The following MCF2L variants were observed in gnomAD, a reference collection of about 807,000 sequenced individuals.
The protein encoded by MCF2L is MCF.2 cell line derived transforming sequence like.
MCF2L carries 97 observed loss-of-function variants against 153.4 expected under a neutral mutation model. The ratio of observed to expected loss-of-function variants is 0.63; its 90% CI spans 0.54 to 0.75. MCF2L has a LOEUF of 0.75. Ranked by LOEUF, MCF2L falls within the 30% of genes least tolerant of loss-of-function variation. The pLI is 0.00. For synonymous variants in MCF2L, 659 were observed against 632.2 expected (o/e 1.04, Z -0.64); for missense variants, 1,347 against 1,495.2 (o/e 0.90, Z 1.64).
At chr13:113,033,635 C>T (rs1301622832) in intron 3 of MCF2L, among the ~76,000 whole-genome samples, 1 of 151,796 alleles carries the variant, frequency 6.6e-6, no homozygotes, top group Non-Finnish European at 1.5e-5. Context: ...GGGTGATTTC[C>T]CCCCCCCACC....
At chr13:113,081,403 C>T in intron 16 of MCF2L, 124 bp downstream of exon 16, 2 of 956,134 alleles carry the variant, frequency 2.1e-6, no homozygotes, top group Non-Finnish European at 1.5e-6. Context: ...GAGAGAGCGC[C>T]CACAGCAGCC....
At chr13:112,949,954 C>G (rs1283131038) in intron 2 of MCF2L, among the ~76,000 whole-genome samples, 3 of 150,110 alleles carry the variant, frequency 2.0e-5, no homozygotes, top group Non-Finnish European at 4.4e-5. Context: ...TTGAAACAGT[C>G]TCTGGTTACA....
At chr13:112,912,883 T>TTG (rs1156373995) in intron 2 of MCF2L, among the ~76,000 whole-genome samples, 2 of 142,186 alleles carry the variant, frequency 1.4e-5, no homozygotes, top group East Asian at 2.1e-4. Flanking sequence ...CTGTGTGTGA[T>TTG]TGTGTGTGTG....
chr13:112,895,339 G>C (rs1224217706), intron 1 of MCF2L, among the ~76,000 whole-genome samples: 1 of 152,166 alleles, frequency 6.6e-6, no homozygotes, highest in Non-Finnish European at 1.5e-5. Flanking sequence ...AGGATGTGCC[G>C]GCATGGCTGT....
chr13:113,078,946 C>T lies in MCF2L; in HGVS notation c.1808+207C>T, dbSNP rs528637283. 7.9e-5 allele frequency among the ~76,000 whole-genome samples: 12 copies of T among 152,368 alleles called. No homozygotes were observed. In the East Asian group the frequency reaches 1.2e-3, roughly 15 times the overall value. ...GTCCCCACCGCGTGAAGCACACACA[C>T]GCCGCACACACACCACTCGGGATTC... On this transcript the variant is annotated intron_variant, in intron 15 of 29. Transcript: ENST00000535094.
Position 112,943,751 on chromosome 13 carries a change from C to G in MCF2L, c.169+41380C>G, listed in dbSNP as rs1324671762. ...CAGCCTGCGGTGGCTCGGCTCGGGC[C>G]GGCGGAGATCTGGGAGCATTTTCTG... On this transcript the variant is annotated intron_variant, in intron 2 of 29. Coordinates refer to the MCF2L transcript ENST00000375608. The surrounding 1 kb of genome is among the most constrained non-coding windows in gnomAD (Gnocchi z 4.2). Among the ~76,000 whole-genome samples, 1 of 152,028 alleles carries G rather than the reference C, an allele frequency of 6.6e-6. No homozygotes were observed. The highest frequency in any genetic ancestry group is 6.5e-5 in the Admixed American group (1 of 15,282).
chr13:112,972,421 G>A (rs1490578555), intron 1 of MCF2L, among the ~76,000 whole-genome samples: 4 of 149,916 alleles, frequency 2.7e-5, no homozygotes, highest in Admixed American at 2.7e-4. Context: ...TGGATAAGTG[G>A]GTGGATGGAT....
chr13:113,083,536 C>A (rs193049568), intron 17 of MCF2L, among the ~76,000 whole-genome samples: 1 of 152,218 alleles, frequency 6.6e-6, no homozygotes, highest in Non-Finnish European at 1.5e-5. Context: ...AGACGGTTTT[C>A]CCCTCCAGCC....
chr13:113,086,310 C>T lies in MCF2L; in HGVS notation c.2373+61C>T. The T allele has an allele frequency of 1.2e-5, 19 of 1,590,364 alleles. No homozygotes were observed. The South Asian group carries it at 2.0e-4, about 17-fold the overall frequency. On this transcript the variant is annotated intron_variant, in intron 21 of 29. Transcript: ENST00000535094. Reference sequence around the variant, plus strand: ...TCCGTGGAATACACCAGCCCAGCAACTTGGCGGCCTCCCTGCACACGCCCC... The same window carrying T: ...TCCGTGGAATACACCAGCCCAGCAATTTGGCGGCCTCCCTGCACACGCCCC...
chr13:113,057,152 G>A (rs1450372832), intron 4 of MCF2L, among the ~76,000 whole-genome samples: 1 of 150,030 alleles, frequency 6.7e-6, no homozygotes, highest in Non-Finnish European at 1.5e-5. Context: ...GGTGCTGAGT[G>A]GGTGCTGAAT....
chr13:112,957,092 C>G (rs537797661), intron 2 of MCF2L: 1 of 152,176 alleles, frequency 6.6e-6, no homozygotes, highest in Non-Finnish European at 1.5e-5. Flanking sequence ...AGGCCGCCCC[C>G]GAGAGCAAAG....
In MCF2L at chr13:113,046,264, G is replaced by T. The variant is rs956309750; in HGVS notation, c.369+903G>T. ...CATTGCTGCCAAAGGACCAAAAAAG[G>T]CTGCCTGTCTGCCAAGAGGTGACCC... On this transcript the variant is annotated intron_variant, in intron 4 of 29. Coordinates refer to ENST00000535094, the MANE Select transcript of MCF2L (RefSeq NM_001112732.3). This position sits in a 1 kb window ranked among gnomAD's most constrained non-coding sequence, Gnocchi z 4.4. 5.9e-5 allele frequency: 13 copies of T among 221,494 alleles called. No individual in the cohort carries two copies. The highest frequency in any genetic ancestry group is 2.3e-4 in the African/African-American group (10 of 42,738). 13.7% of individuals were successfully genotyped at this position (221,494 alleles called of 1,614,324 possible). A position where few individuals can be genotyped will look rare whatever the true frequency, so the allele number is the denominator to read the frequency against.
chr13:113,022,780 C>A (rs974454474), intron 2 of MCF2L, among the ~76,000 whole-genome samples: 1 of 152,208 alleles, frequency 6.6e-6, no homozygotes, highest in African/African-American at 2.4e-5. Context: ...ACCGCGGCGG[C>A]GGCTGAGGGG....
intron 2 of MCF2L, among the ~76,000 whole-genome samples, chr13:112,949,591 C>G (rs4907474): frequency 0.052 from 7,912 of 152,040 alleles, 272 homozygotes; most frequent in South Asian, 0.074. Context: ...AATTAGTCAA[C>G]GTAATCTACC....
rs1594904492 is a variant in MCF2L, at chr13:113,065,051, T to C, written c.722T>C (p.Leu241Pro). The change falls in exon 7 of 30, where the codon CTG becomes CCG. Residue 241 changes from leucine (L) to proline (P), a missense_variant. Physicochemically the swap from Leu to Pro is moderately conservative, Grantham distance 98. Transcript: ENST00000535094. ...PNDVQSTSSV[L>P]CAHTEKKDKA... ...GACGTCCAGTCGACAAGCTCAGTGC[T>C]GTGTGCGCACACAGAGAAGAAGGAC... 6.2e-7 allele frequency: 1 copy of C among 1,607,922 alleles called. No individual in the cohort carries two copies. The highest frequency in any genetic ancestry group is 2.2e-5 in the East Asian group (1 of 44,596).
chr13:112,902,728 T>C (rs1038946827), intron 2 of MCF2L, among the ~76,000 whole-genome samples: 6 of 152,268 alleles, frequency 3.9e-5, no homozygotes, highest in African/African-American at 9.6e-5. Flanking sequence ...ATTTGTAGGC[T>C]TTGCTTCATT....
chr13:113,026,663 C>T (rs1274624796), intron 3 of MCF2L, among the ~76,000 whole-genome samples: 6 of 152,366 alleles, frequency 3.9e-5, no homozygotes, highest in East Asian at 1.9e-4. Flanking sequence ...GAGCAGAGCC[C>T]GTCCACGTGG....
At chr13:112,949,590 A>G (rs1467706837) in intron 2 of MCF2L, among the ~76,000 whole-genome samples, 4 of 152,198 alleles carry the variant, frequency 2.6e-5, no homozygotes, top group African/African-American at 9.7e-5. Flanking sequence ...AAATTAGTCA[A>G]CGTAATCTAC....
chr13:113,023,561 G>C lies in MCF2L; in HGVS notation c.164-1083G>C, dbSNP rs143200489. On this transcript the variant is annotated intron_variant, in intron 2 of 29. Coordinates refer to ENST00000535094, the MANE Select transcript of MCF2L (RefSeq NM_001112732.3). Reference sequence around the variant, plus strand: ...GTTGTCGGAGGCTGTGTGCACCCTGGGTCTTCTCAGTGAGGACGTGGATGA... The same window carrying C: ...GTTGTCGGAGGCTGTGTGCACCCTGCGTCTTCTCAGTGAGGACGTGGATGA... Among the ~76,000 whole-genome samples the C allele has an allele frequency of 4.3e-3, 654 of 152,280 alleles. 7 individuals carry two copies. Among genetic ancestry groups the C allele is most frequent in the African/African-American group, 0.015 (611 of 41,554 alleles).
Sources: gnomAD v4.1 joint callset for allele counts (sites outside exome capture counted in the v4.1 genomes callset) on GRCh38, gnomAD v4.1.1 for gene constraint, Gnocchi (gnomAD v3.1) non-coding constraint, MANE v1.5 for transcripts, NCBI Gene and HGNC (gene_info 2026-07-23, HGNC 2026-07-21) for gene names.